PARD3B: variants seen among roughly 807,000 people sequenced by gnomAD.
The protein encoded by PARD3B is par-3 family cell polarity regulator beta.
A neutral mutation model predicts 130.2 loss-of-function variants in PARD3B; 103 were observed. The observed-to-expected ratio is 0.79, with a 90% CI of 0.67 to 0.93. The LOEUF is 0.93. Ranked by LOEUF, PARD3B falls within the 40% of genes least tolerant of loss-of-function variation. The pLI, the probability that PARD3B is intolerant of heterozygous loss-of-function variation, is 0.00. For missense variants in PARD3B, 1,609 were observed against 1,499.2 expected (o/e 1.07, Z -1.21); for synonymous variants, 583 against 553.2 (o/e 1.05, Z -0.76).
chr2:205,158,865 G>T lies in PARD3B; in HGVS notation c.1578G>T (p.Gly526=). 2 of 1,614,088 alleles carry T rather than the reference G, an allele frequency of 1.2e-6. No homozygotes were observed. The highest frequency in any genetic ancestry group is 2.2e-5 in the South Asian group (2 of 91,072). The change falls in exon 11 of 23, where the codon GGG becomes GGT. Residue 526 remains glycine (G), a synonymous_variant. Transcript: ENST00000406610. The surrounding 1 kb of genome is among the most constrained non-coding windows in gnomAD (Gnocchi z 5.4). ...CCAGAGAAACTGGAACAGACTTGGG[G>T]ATTTTTATCAAATCCATCATTCATG... ...NKSRETGTDL[G]IFIKSIIHGG... is the part of the protein sequence containing the mutation.
chr2:205,534,934 A>G (rs1204904163), intron 21 of PARD3B, among the ~76,000 whole-genome samples: 1 of 152,194 alleles, frequency 6.6e-6, no homozygotes, highest in South Asian at 2.1e-4. Flanking sequence ...GAGATGGCCA[A>G]TTATTTCATT....
chr2:205,539,273 G>A (rs74467088), intron 21 of PARD3B, among the ~76,000 whole-genome samples: 17 of 152,314 alleles, frequency 1.1e-4, no homozygotes, highest in Non-Finnish European at 1.8e-4. Flanking sequence ...CCTGGTCAGG[G>A]TAGTGTTGCA....
At position 204,970,212 on chromosome 2, in the gene PARD3B, T is replaced by C. The variant is rs771361924; in HGVS notation, c.394+4889T>C. Among the ~76,000 whole-genome samples, 6 of 152,262 alleles carry C rather than the reference T, an allele frequency of 3.9e-5. No individual in the cohort carries two copies. In the East Asian group the frequency reaches 1.2e-3, roughly 29 times the overall value. ...ATAAGAGGCTTTTTGTGGCCATAGATCAAGGTTGGCCCAACCCAATCTTTG... is the reference window on the plus strand; with the variant it reads ...ATAAGAGGCTTTTTGTGGCCATAGACCAAGGTTGGCCCAACCCAATCTTTG... On this transcript the variant is annotated intron_variant, in intron 3 of 22. Transcript: ENST00000406610.
intron 18 of PARD3B, among the ~76,000 whole-genome samples, chr2:205,320,528 C>T (rs10490294): frequency 0.1 from 15,602 of 152,144 alleles, 1,269 homozygotes; most frequent in African/African-American, 0.22. Context: ...AATAGAAATT[C>T]TAATAGACTG....
intron 1 of PARD3B, among the ~76,000 whole-genome samples, chr2:204,643,961 T>G (rs1253668365): frequency 6.6e-6 from 1 of 152,204 alleles, no homozygotes; most frequent in Non-Finnish European, 1.5e-5. Flanking sequence ...ATTTCATGTC[T>G]GTACACTGGT....
chr2:205,220,223 AG>A (rs1383672394), intron 15 of PARD3B, among the ~76,000 whole-genome samples: 4 of 152,118 alleles, frequency 2.6e-5, no homozygotes, highest in African/African-American at 4.8e-5. Context: ...CATTGCCCTG[AG>A]GATGAAGACA....
At chr2:205,541,921 A>G (rs1212978305) in intron 21 of PARD3B, among the ~76,000 whole-genome samples, 1 of 151,872 alleles carries the variant, frequency 6.6e-6, no homozygotes, top group Non-Finnish European at 1.5e-5. Context: ...AGGTGGGTGG[A>G]TCACTTGAGA....
chr2:205,013,285 GTCT>G (rs1289617652), intron 3 of PARD3B, among the ~76,000 whole-genome samples: 2 of 152,108 alleles, frequency 1.3e-5, no homozygotes, highest in Non-Finnish European at 2.9e-5. Flanking sequence ...TTGTTCGTCT[GTCT>G]TCTTCTAGTA....
chr2:205,333,803 C>A (rs762213137), intron 18 of PARD3B, among the ~76,000 whole-genome samples: 1 of 152,060 alleles, frequency 6.6e-6, no homozygotes, highest in Non-Finnish European at 1.5e-5. Flanking sequence ...CTATGATTCC[C>A]TCTAAGATGG....
intron 2 of PARD3B, among the ~76,000 whole-genome samples, chr2:204,747,970 G>A (rs1417170735): frequency 6.6e-6 from 1 of 152,074 alleles, no homozygotes; most frequent in Non-Finnish European, 1.5e-5. Context: ...TCAGAGTTGA[G>A]TAAGACTACT....
chr2:205,235,544 G>A (rs2039024364), intron 15 of PARD3B, among the ~76,000 whole-genome samples: 1 of 152,144 alleles, frequency 6.6e-6, no homozygotes. Context: ...TAGTGCTGTA[G>A]AGGATAGTAC....
At chr2:205,027,917 G>C (rs1292061894) in intron 3 of PARD3B, among the ~76,000 whole-genome samples, 1 of 152,036 alleles carries the variant, frequency 6.6e-6, no homozygotes, top group African/African-American at 2.4e-5. Flanking sequence ...TGTTCCATTG[G>C]TCAATGTGTC....
chr2:205,539,288 G>A (rs184730014), intron 21 of PARD3B, among the ~76,000 whole-genome samples: 17 of 152,294 alleles, frequency 1.1e-4, no homozygotes, highest in Admixed American at 1.0e-3. Flanking sequence ...GTTGCAGATT[G>A]AGTCAGATGA....
rs1489140672 is a variant in PARD3B, at chr2:205,022,957, G to C, written c.395-24624G>C. Reference sequence around the variant, plus strand: ...GCTGGTTTCAACAGCTATTTATTTAGATTGTGTGAACTGGAGCTGAACTTG... The same window carrying C: ...GCTGGTTTCAACAGCTATTTATTTACATTGTGTGAACTGGAGCTGAACTTG... On this transcript the variant is annotated intron_variant, in intron 3 of 22. Transcript: ENST00000406610. 3.3e-5 allele frequency among the ~76,000 whole-genome samples: 5 copies of C among 152,254 alleles called. 1 individual carries two copies. In the South Asian group the frequency reaches 8.3e-4, roughly 25 times the overall value.
rs1030825346 is a variant in PARD3B, at chr2:205,331,355, C to T, written c.2630+29654C>T. 3.3e-5 allele frequency among the ~76,000 whole-genome samples: 5 copies of T among 151,962 alleles called. 1 individual carries two copies. Among genetic ancestry groups the T allele is most frequent in the Admixed American group, 3.3e-4 (5 of 15,252 alleles). Reference sequence around the variant, plus strand: ...ATCAATGATCCTAGTCTCTTAAACCCCTGAGCAGGCAGTAGGAGTTTCCCT... The same window carrying T: ...ATCAATGATCCTAGTCTCTTAAACCTCTGAGCAGGCAGTAGGAGTTTCCCT... On this transcript the variant is annotated intron_variant, in intron 18 of 22. Coordinates refer to ENST00000406610, the MANE Select transcript of PARD3B (RefSeq NM_001302769.2).
At chr2:205,180,047 A>G (rs2035700878) in intron 13 of PARD3B, among the ~76,000 whole-genome samples, 1 of 152,036 alleles carries the variant, frequency 6.6e-6, no homozygotes, top group African/African-American at 2.4e-5. Flanking sequence ...TTTAGTTAGA[A>G]CAATTTTTAC....
At chr2:205,204,443 C>G (rs2037170439) in intron 15 of PARD3B, among the ~76,000 whole-genome samples, 1 of 151,800 alleles carries the variant, frequency 6.6e-6, no homozygotes, top group Admixed American at 6.6e-5. Flanking sequence ...TGCAGAAGCT[C>G]TTTAATTTAA....
chr2:204,756,609 C>T (rs2040685132), intron 2 of PARD3B, among the ~76,000 whole-genome samples: 1 of 152,098 alleles, frequency 6.6e-6, no homozygotes, highest in African/African-American at 2.4e-5. Context: ...GAAGTCTCTC[C>T]ATAATTCCCA....
rs186190793 is a variant in PARD3B at position 205,202,247 on chromosome 2, A to G, written c.2140+8927A>G. ...TAATATAACTTGATCAATATTTCAG[A>G]TGTAGCGGAATAAGGCAGATTCTGT... On this transcript the variant is annotated intron_variant, in intron 15 of 22. Transcript: ENST00000406610. Among the ~76,000 whole-genome samples, 651 of 152,332 alleles carry G rather than the reference A, an allele frequency of 4.3e-3. 4 individuals carry two copies. Among genetic ancestry groups the G allele is most frequent in the Non-Finnish European group, 5.0e-3 (338 of 68,024 alleles).
Sources: gnomAD v4.1 joint callset for allele counts (sites outside exome capture counted in the v4.1 genomes callset) on GRCh38, gnomAD v4.1.1 for gene constraint, Gnocchi (gnomAD v3.1) non-coding constraint, MANE v1.5 for transcripts, NCBI Gene and HGNC (gene_info 2026-07-23, HGNC 2026-07-21) for gene names.